MATCAP2: variants seen among roughly 807,000 people sequenced by gnomAD.
MATCAP2 encodes the protein microtubule associated tyrosine carboxypeptidase 2, also known as putative tyrosine carboxypeptidase MATCAP2.
At chr7:36,358,754 T>TA in the MATCAP2 span, among the ~76,000 whole-genome samples, 2 of 152,244 alleles carry the variant, frequency 1.3e-5, no homozygotes, top group Non-Finnish European at 2.9e-5. Flanking sequence ...TGTTCTTACC[T>TA]ATAACCAGCT....
At chr7:36,336,364 T>G in the MATCAP2 span, 77 of 1,116,338 alleles carry the variant, frequency 6.9e-5, no homozygotes, top group Non-Finnish European at 9.0e-5. Flanking sequence ...ATAAGCTAGC[T>G]ATGTTATTTA....
the MATCAP2 span, among the ~76,000 whole-genome samples, chr7:36,389,449 ACCT>A: frequency 6.6e-6 from 1 of 150,966 alleles, no homozygotes; most frequent in East Asian, 2.0e-4. Flanking sequence ...TGCAGCCATG[ACCT>A]CCTGGGCTCA....
the MATCAP2 span, among the ~76,000 whole-genome samples, chr7:36,332,408 C>A: frequency 6.6e-6 from 1 of 152,174 alleles, no homozygotes; most frequent in African/African-American, 2.4e-5. Context: ...AAATGGCAGA[C>A]ACGTTGCTTA....
chr7:36,336,427 C>G, the MATCAP2 span: 5 of 748,546 alleles, frequency 6.7e-6, no homozygotes, highest in Non-Finnish European at 8.1e-6. Context: ...AACTGAAGTG[C>G]CAAACTTTTC....
At chr7:36,342,532 A>G in the MATCAP2 span, among the ~76,000 whole-genome samples, 3 of 152,040 alleles carry the variant, frequency 2.0e-5, no homozygotes, top group African/African-American at 7.2e-5. Flanking sequence ...GGAAGTCAAG[A>G]CTCTGAAGAC....
At chr7:36,367,247 C>T in the MATCAP2 span, 2 of 1,092,368 alleles carry the variant, frequency 1.8e-6, no homozygotes, top group African/African-American at 3.3e-5. Flanking sequence ...AAACTGCCCC[C>T]GGGGTCCGCG....
At chr7:36,353,543 C>T in the MATCAP2 span, among the ~76,000 whole-genome samples, 7 of 141,960 alleles carry the variant, frequency 4.9e-5, no homozygotes, top group Admixed American at 7.5e-5. Flanking sequence ...TGCAGTGGTG[C>T]GATCTCAGCT....
At chr7:36,335,005 C>G in the MATCAP2 span, 3 of 1,558,644 alleles carry the variant, frequency 1.9e-6, no homozygotes, top group Non-Finnish European at 2.6e-6. Flanking sequence ...AGAGCTAATT[C>G]CTGATATTAC....
chr7:36,338,213 A>G, the MATCAP2 span, among the ~76,000 whole-genome samples: 2 of 152,198 alleles, frequency 1.3e-5, no homozygotes, highest in Admixed American at 6.5e-5. Flanking sequence ...TTGAATCTCT[A>G]TAACATAACC....
At chr7:36,390,155 C>T in the MATCAP2 span, 2 of 1,575,676 alleles carry the variant, frequency 1.3e-6, no homozygotes, top group Non-Finnish European at 1.7e-6. Flanking sequence ...CGCGTGTGTG[C>T]GCGCGTGCGC....
the MATCAP2 span, among the ~76,000 whole-genome samples, chr7:36,365,403 A>C: frequency 6.6e-6 from 1 of 152,084 alleles, no homozygotes; most frequent in Non-Finnish European, 1.5e-5. Context: ...ATCTTGTCCA[A>C]AGTTAACAGT....
At chr7:36,349,801 C>A in the MATCAP2 span, among the ~76,000 whole-genome samples, 5 of 152,160 alleles carry the variant, frequency 3.3e-5, no homozygotes, top group Non-Finnish European at 5.9e-5. Context: ...AAAGGCAAAT[C>A]AACAAAGCCT....
the MATCAP2 span, among the ~76,000 whole-genome samples, chr7:36,344,237 C>T: frequency 2.0e-5 from 3 of 152,034 alleles, no homozygotes; most frequent in Non-Finnish European, 4.4e-5. Context: ...AACTGTTTCT[C>T]TGAAATAAAA....
the MATCAP2 span, chr7:36,336,379 G>A: frequency 9.3e-7 from 1 of 1,078,004 alleles, no homozygotes; most frequent in East Asian, 2.6e-5. Flanking sequence ...TATTTATTGT[G>A]ACCTATTCTA....
At chr7:36,365,909 C>G in the MATCAP2 span, among the ~76,000 whole-genome samples, 1 of 152,210 alleles carries the variant, frequency 6.6e-6, no homozygotes, top group Non-Finnish European at 1.5e-5. Flanking sequence ...TTCCTGTCAA[C>G]ATAAATGATA....
chr7:36,343,646 G>GA, the MATCAP2 span, among the ~76,000 whole-genome samples: 1 of 9,014 alleles, frequency 1.1e-4, no homozygotes, highest in African/African-American at 1.4e-4. Flanking sequence ...AAAAGAAAAA[G>GA]AAAAGAGAAG....
At chr7:36,352,266 G>A in the MATCAP2 span, among the ~76,000 whole-genome samples, 403 of 151,562 alleles carry the variant, frequency 2.7e-3, 2 homozygotes, top group Non-Finnish European at 3.4e-3. Flanking sequence ...GCATGGCAGC[G>A]CACGCCTGTA....
the MATCAP2 span, among the ~76,000 whole-genome samples, chr7:36,339,568 C>G: frequency 1.3e-5 from 2 of 152,118 alleles, no homozygotes; most frequent in Non-Finnish European, 1.5e-5. Flanking sequence ...TACAAGTGCT[C>G]CAGAAGCTGA....
At chr7:36,377,576 G>C in the MATCAP2 span, among the ~76,000 whole-genome samples, 1 of 152,032 alleles carries the variant, frequency 6.6e-6, no homozygotes, top group African/African-American at 2.4e-5. Flanking sequence ...ATGATTATGT[G>C]TCTCAGGGTT....
Sources: allele counts gnomAD v4.1 joint callset (sites outside exome capture counted in the v4.1 genomes callset), GRCh38; gene constraint gnomAD v4.1.1; transcripts MANE v1.5; gene names NCBI Gene and HGNC (gene_info 2026-07-23, HGNC 2026-07-21).